Variants in OSBPL10 observed in about 807,000 individuals in gnomAD.
OSBPL10 encodes oxysterol binding protein like 10.
In OSBPL10, 49 loss-of-function variants were observed where a neutral mutation model predicts 81.7. That is an observed-to-expected ratio of 0.60 (90% CI 0.48 to 0.76). The LOEUF (loss-of-function observed/expected upper bound fraction) is 0.76, where lower values mean the gene tolerates loss of function less well. OSBPL10 is among the 30% of genes least tolerant of loss of function. The probability of loss-of-function intolerance (pLI) is 0.00; values close to 1 mark genes in which losing one functional copy is unlikely to be tolerated. For synonymous variants in OSBPL10, 419 were observed against 383.6 expected (o/e 1.09, Z -1.08); for missense variants, 923 against 987.8 (o/e 0.93, Z 0.88).
intron 1 of OSBPL10, among the ~76,000 whole-genome samples, chr3:31,935,673 C>T (rs1306119488): frequency 6.6e-6 from 1 of 151,790 alleles, no homozygotes; most frequent in Admixed American, 6.6e-5. Context: ...ACAGGTGACC[C>T]CCACCACGCC....
intron 1 of OSBPL10, among the ~76,000 whole-genome samples, chr3:32,048,766 A>G (rs1220616944): frequency 2.0e-5 from 3 of 152,206 alleles, no homozygotes; most frequent in Non-Finnish European, 4.4e-5. Flanking sequence ...CTATAATCCC[A>G]GGAGCTTAGA....
At chr3:31,794,155 T>C (rs1453136710) in intron 4 of OSBPL10, among the ~76,000 whole-genome samples, 1 of 152,196 alleles carries the variant, frequency 6.6e-6, no homozygotes, top group Non-Finnish European at 1.5e-5. Context: ...GTTTTTCTGT[T>C]TGTTTTGAGA....
chr3:32,057,894 C>A (rs759860430), intron 1 of OSBPL10, among the ~76,000 whole-genome samples: 3 of 152,184 alleles, frequency 2.0e-5, no homozygotes, highest in Admixed American at 6.5e-5. Context: ...AAACTTTTAG[C>A]TCTGGCACTT....
chr3:31,881,295 GA>G (rs958876961), intron 1 of OSBPL10, among the ~76,000 whole-genome samples: 15 of 152,182 alleles, frequency 9.9e-5, no homozygotes, highest in African/African-American at 3.1e-4. Flanking sequence ...AATGAATAAA[GA>G]AAAAAACCTA....
intron 1 of OSBPL10, among the ~76,000 whole-genome samples, chr3:31,938,506 G>GT (rs960368270): frequency 3.3e-5 from 5 of 151,994 alleles, no homozygotes; most frequent in African/African-American, 9.7e-5. Flanking sequence ...TTTTTGTGGG[G>GT]TTTTTTGTTT....
chr3:32,073,760 G>T (rs1575096997), intron 1 of OSBPL10, among the ~76,000 whole-genome samples: 1 of 152,106 alleles, frequency 6.6e-6, no homozygotes, highest in East Asian at 1.9e-4. Flanking sequence ...ACCTGCTCTT[G>T]TTTACACTGC....
chr3:31,686,486 A>G (rs1700795742), intron 7 of OSBPL10, among the ~76,000 whole-genome samples: 2 of 152,238 alleles, frequency 1.3e-5, no homozygotes, highest in South Asian at 4.1e-4. Context: ...TTGAACATGT[A>G]ATACAATCCA....
intron 1 of OSBPL10, among the ~76,000 whole-genome samples, chr3:31,923,449 C>G (rs949834963): frequency 1.1e-4 from 16 of 152,068 alleles, no homozygotes; most frequent in African/African-American, 3.9e-4. Flanking sequence ...TCAGACCAAC[C>G]AAAAAACTGC....
intron 1 of OSBPL10, among the ~76,000 whole-genome samples, chr3:31,925,230 G>A (rs1277899258): frequency 6.6e-6 from 1 of 151,976 alleles, no homozygotes; most frequent in East Asian, 1.9e-4. Flanking sequence ...ACACTCCCTT[G>A]CCCGGGAGGT....
intron 4 of OSBPL10, among the ~76,000 whole-genome samples, chr3:31,767,546 C>T (rs1026680655): frequency 2.0e-5 from 3 of 151,632 alleles, no homozygotes; most frequent in African/African-American, 7.2e-5. Flanking sequence ...CTCAGTTCTT[C>T]ATGAAGCCTT....
chr3:32,059,607 A>G lies in OSBPL10; in HGVS notation n.186-13004T>C, dbSNP rs181005121. 4.8e-3 allele frequency among the ~76,000 whole-genome samples: 730 copies of G among 151,448 alleles called. 2 individuals carry two copies. The highest frequency in any genetic ancestry group is 8.5e-3 in the Non-Finnish European group (580 of 67,862). The stretch of plus-strand genomic sequence containing the variant: ...CTCCATCTCAAAAAAACAAAACAAA[A>G]CAAAACAAAAAACAACAACAACAGG... On this transcript the variant is annotated intron_variant and non_coding_transcript_variant, in intron 1 of 3. Coordinates refer to the OSBPL10 transcript ENST00000479173.
chr3:31,843,287 G>A (rs914711910), intron 3 of OSBPL10, among the ~76,000 whole-genome samples: 6 of 152,190 alleles, frequency 3.9e-5, no homozygotes, highest in Admixed American at 2.0e-4. Flanking sequence ...TGGGTGCCAG[G>A]AGATGATAAT....
intron 1 of OSBPL10, among the ~76,000 whole-genome samples, chr3:32,067,352 C>G (rs767424866): frequency 2.6e-5 from 4 of 152,074 alleles, no homozygotes; most frequent in Non-Finnish European, 5.9e-5. Flanking sequence ...TGTGGAGGGT[C>G]GTGTTCTCTC....
intron 4 of OSBPL10, among the ~76,000 whole-genome samples, chr3:31,777,345 G>C (rs1174752326): frequency 1.3e-5 from 2 of 151,866 alleles, no homozygotes; most frequent in Non-Finnish European, 2.9e-5. Context: ...TTAGATAAGA[G>C]AGCCACTCTT....
intron 1 of OSBPL10, among the ~76,000 whole-genome samples, chr3:31,893,420 T>C (rs1387251889): frequency 1.3e-5 from 2 of 152,144 alleles, no homozygotes; most frequent in Non-Finnish European, 2.9e-5. Flanking sequence ...TGACAAATGG[T>C]AAGGATATGG....
At chr3:31,775,596 T>C (rs1267527197) in intron 4 of OSBPL10, among the ~76,000 whole-genome samples, 1 of 152,134 alleles carries the variant, frequency 6.6e-6, no homozygotes, top group Non-Finnish European at 1.5e-5. Context: ...ATGTGGATGC[T>C]GAAATCACCA....
chr3:31,870,498 C>T (rs560390347), intron 3 of OSBPL10, among the ~76,000 whole-genome samples: 86 of 152,348 alleles, frequency 5.6e-4, no homozygotes, highest in African/African-American at 1.9e-3. Context: ...CTGAGGAGTG[C>T]GAATGCATGG....
At chr3:31,901,096 T>C (rs1047625739) in intron 1 of OSBPL10, among the ~76,000 whole-genome samples, 10 of 152,258 alleles carry the variant, frequency 6.6e-5, no homozygotes, top group Non-Finnish European at 1.3e-4. Context: ...TCAGCATCTA[T>C]TGAAGAGACC....
intron 7 of OSBPL10, among the ~76,000 whole-genome samples, chr3:31,699,040 C>G (rs1024242975): frequency 6.6e-6 from 1 of 152,184 alleles, no homozygotes; most frequent in African/African-American, 2.4e-5. Context: ...CAGTGCTCAA[C>G]AAATACATGT....
Sources: gnomAD v4.1 joint callset for allele counts (sites outside exome capture counted in the v4.1 genomes callset) on GRCh38, gnomAD v4.1.1 for gene constraint, MANE v1.5 for transcripts, NCBI Gene and HGNC (gene_info 2026-07-23, HGNC 2026-07-21) for gene names.